OBSL1: variants seen among roughly 807,000 people sequenced by gnomAD.
OBSL1 encodes obscurin-like protein 1.
In OBSL1, 160 loss-of-function variants were observed where a neutral mutation model predicts 172.0. The ratio of observed to expected loss-of-function variants is 0.93; its 90% CI spans 0.82 to 1.06. The LOEUF (loss-of-function observed/expected upper bound fraction) is 1.06. Among genes scored for constraint, OBSL1 ranks in the 50% least tolerant of loss-of-function variants. OBSL1 has a pLI of 0.00. For missense variants in OBSL1, 2,681 were observed against 2,715.4 expected (o/e 0.99, Z 0.28); for synonymous variants, 1,200 against 1,196.3 (o/e 1.00, Z -0.06).
chr2:219,563,596 T>A lies in OBSL1; in HGVS notation c.2439A>T (p.Glu813Asp). 1.2e-6 allele frequency: 2 copies of A among 1,613,542 alleles called. No individual in the cohort carries two copies. The highest frequency in any genetic ancestry group is 1.7e-6 in the Non-Finnish European group (2 of 1,179,742). Residue 813 changes from glutamate (E) to aspartate (D), a missense_variant, in exon 7 of 21, where the codon GAA becomes GAT. This residue lies in a region of OBSL1 where 1,765 missense variants were observed against 1,748.3 expected (regional missense o/e 1.01). Coordinates refer to ENST00000404537, the MANE Select transcript of OBSL1 (RefSeq NM_015311.3). ...AAGTTATGGCATGCACGAACACATGTTCTCGGGGGTCCACGATGTGCACGG... is the reference window on the plus strand; with the variant it reads ...AAGTTATGGCATGCACGAACACATGATCTCGGGGGTCCACGATGTGCACGG... The part of the protein sequence containing the change: ...DPPVHIVDPR[E>D]HVFVHAITSE...
rs370018093 is a variant in OBSL1 at position 219,562,317 on chromosome 2, G to A, written c.2953+85C>T. ...TGCAGCCCACACCTCCCTCCTCCCCGGGGTGCTAGCTGGGGCTATGTGGCC... is the reference window on the plus strand; with the variant it reads ...TGCAGCCCACACCTCCCTCCTCCCCAGGGTGCTAGCTGGGGCTATGTGGCC... On this transcript the variant is annotated intron_variant, in intron 8 of 20. Transcript: ENST00000404537. 9.3e-6 allele frequency: 14 copies of A among 1,511,948 alleles called. No individual in the cohort carries two copies. In the African/African-American group the frequency reaches 1.1e-4, roughly 12 times the overall value. The allele number at this position is 1,511,948 out of a possible 1,614,324, so 93.7% of individuals were successfully genotyped here. A position where few individuals can be genotyped will look rare whatever the true frequency, so the allele number is the denominator to read the frequency against.
intron 6 of OBSL1, 144 bp from the exon 7 acceptor site, chr2:219,563,771 G>T: frequency 1.1e-6 from 1 of 887,862 alleles, no homozygotes; most frequent in Non-Finnish European, 1.7e-6. Flanking sequence ...CAGGGACAAT[G>T]ACAAGGAATG....
Position 219,570,781 on chromosome 2 carries a change from G to A in OBSL1, c.452C>T (p.Ala151Val). 6.7e-7 allele frequency: 1 copy of A among 1,491,890 alleles called. No individual in the cohort carries two copies. Among genetic ancestry groups the A allele is most frequent in the Non-Finnish European group, 8.9e-7 (1 of 1,128,234 alleles). The allele number at this position is 1,491,890 out of a possible 1,614,324, so 92.4% of individuals were successfully genotyped here. The change falls in exon 1 of 21, where the codon GCG becomes GTG. Residue 151 changes from alanine to valine, a missense_variant. Physicochemically the swap from Ala to Val is moderately conservative, Grantham distance 64. Around this residue, in one of 5 missense-constraint regions of OBSL1, gnomAD observed 706 missense variants for 695.8 expected, o/e 1.01. Coordinates refer to ENST00000404537, the MANE Select transcript of OBSL1 (RefSeq NM_015311.3). ...RGAEVVLTCR[A>V]GGLPEPTLYW... ...CAGTGTGGGCTCGGGGAGGCCCCCC[G>A]CCCGGCACGTCAGCACCACCTCCGC...
rs1417563894 is a variant in OBSL1, at chr2:219,565,463, G to T, written c.2186C>A (p.Thr729Lys). 1.9e-6 allele frequency: 3 copies of T among 1,612,902 alleles called. No homozygotes were observed. The highest frequency in any genetic ancestry group is 2.5e-6 in the Non-Finnish European group (3 of 1,179,892). Residue 729 changes from threonine to lysine, a missense_variant, in exon 6 of 21, where the codon ACA becomes AAA. Coordinates refer to ENST00000404537, the MANE Select transcript of OBSL1 (RefSeq NM_015311.3). ...SPQDRVSLTFTTSERVVLTCE... is the reference protein window; with the variant it reads ...SPQDRVSLTFKTSERVVLTCE... ...AGTCAGCACCACCCGCTCTGAGGTT[G>T]TGAAGGTCAACGACACCCTGTCCTG...
Position 219,562,675 on chromosome 2 carries a change from C to G in OBSL1, c.2681-1G>C. ...GGATACACGATCCACGAGGAGACGT[C>G]TGGAGGACAGGGACAGCCACTGCCG... On this transcript the variant is annotated splice_acceptor_variant, in intron 7 of 20. Transcript: ENST00000404537. LOFTEE classifies it high-confidence loss of function. 4 of 1,542,026 alleles carry G rather than the reference C, an allele frequency of 2.6e-6. No homozygotes were observed. The highest frequency in any genetic ancestry group is 1.7e-4 in the Middle Eastern group (1 of 5,948).
rs1351017091 is a variant in OBSL1, at chr2:219,552,695, G to T, written c.5149C>A (p.Arg1717Ser). 1.3e-6 allele frequency: 2 copies of T among 1,522,130 alleles called. No homozygotes were observed. Among genetic ancestry groups the T allele is most frequent in the Non-Finnish European group, 1.8e-6 (2 of 1,134,718 alleles). The allele number at this position is 1,522,130 out of a possible 1,614,324, so 94.3% of individuals were successfully genotyped here. A position where few individuals can be genotyped will look rare whatever the true frequency, so the allele number is the denominator to read the frequency against. Residue 1717 changes from arginine (R) to serine (S), a missense_variant and splice_region_variant, in exon 18 of 21, where the codon CGT becomes AGT. This residue lies in a region of OBSL1 where 1,765 missense variants were observed against 1,748.3 expected (regional missense o/e 1.01). Transcript: ENST00000404537. ...AGCTCGGAGAGTACCGCCACAGTAC[G>T]CTCTGGGGCGGAGCCCGGGGCGTGA... is the stretch of plus-strand genomic sequence containing the variant. ...AGPVRLTVRE[R>S]TVAVLSELRS...
chr2:219,547,423 C>G (rs1695411119), downstream of OBSL1: 1 of 1,131,220 alleles, frequency 8.8e-7, no homozygotes, highest in Non-Finnish European at 1.2e-6. Context: ...CCCCTGGGAT[C>G]CCATGTCCTT....
chr2:219,549,308 G>C, downstream of OBSL1: 2 of 1,613,828 alleles, frequency 1.2e-6, no homozygotes, highest in Non-Finnish European at 1.7e-6. Context: ...GCTTATCGGC[G>C]CAGGCCAGTG....
chr2:219,561,699 G>C (rs956725561), intron 8 of OBSL1: 9 of 606,912 alleles, frequency 1.5e-5, no homozygotes, highest in Non-Finnish European at 2.4e-5. Context: ...GGCCCTCACA[G>C]TACTTATCAC....
downstream of OBSL1, chr2:219,550,157 G>A: frequency 3.3e-6 from 1 of 298,574 alleles, no homozygotes. Context: ...GCTTGGAGGG[G>A]ACGCTGGGAC....
In OBSL1 at chr2:219,567,228, G is replaced by A. The variant is rs754132594; in HGVS notation, c.1837+45C>T. 2.4e-5 allele frequency: 37 copies of A among 1,564,066 alleles called. No individual in the cohort carries two copies. The Middle Eastern group carries it at 5.9e-4, about 25-fold the overall frequency. Reference sequence around the variant, plus strand: ...TGAGAGGACCAGCACTGAGGGCTGGGGAAGGGAGGAGAAGTGATGGGTGGG... The same window carrying A: ...TGAGAGGACCAGCACTGAGGGCTGGAGAAGGGAGGAGAAGTGATGGGTGGG... On this transcript the variant is annotated intron_variant, in intron 4 of 20. Transcript: ENST00000404537.
At chr2:219,550,069 G>A (rs1695522959), downstream of OBSL1, 5 of 609,790 alleles carry the variant, frequency 8.2e-6, no homozygotes, top group South Asian at 2.2e-5. Flanking sequence ...AACTCGGGGT[G>A]TGAACCCCAT....
Position 219,557,808 on chromosome 2 carries a change from C to A in OBSL1, c.3790+15G>T. 1 of 1,583,884 alleles carries A rather than the reference C, an allele frequency of 6.3e-7. No individual in the cohort carries two copies. On this transcript the variant is annotated intron_variant, in intron 11 of 20. Coordinates refer to ENST00000404537, the MANE Select transcript of OBSL1 (RefSeq NM_015311.3). Reference sequence around the variant, plus strand: ...TTGGTGCCACTCTCAGGCTTAATGCCCAGGCTGTACTCACCAGCCACCTGG... The same window carrying A: ...TTGGTGCCACTCTCAGGCTTAATGCACAGGCTGTACTCACCAGCCACCTGG...
intron 14 of OBSL1, 195 bp downstream of exon 14, chr2:219,555,825 C>T (rs955308323): frequency 4.3e-6 from 6 of 1,404,440 alleles, no homozygotes; most frequent in Non-Finnish European, 5.6e-6. Context: ...GCAAAATCCA[C>T]ATGGACTTCT....
In OBSL1 at chr2:219,565,355, T is replaced by C. The variant is rs377213223; in HGVS notation, c.2294A>G (p.Lys765Arg). The change falls in exon 6 of 21, where the codon AAG becomes AGG. Residue 765 changes from lysine to arginine, a missense_variant. Around this residue, in one of 5 missense-constraint regions of OBSL1, gnomAD observed 1,765 missense variants for 1,748.3 expected, o/e 1.01. Transcript: ENST00000404537. ...KVEESELLVV[K>R]MDGRKHRLIL... is the part of the protein sequence containing the mutation. Reference sequence around the variant, plus strand: ...CAGACGGTGTTTGCGCCCATCCATCTTCACCACCAGCAACTCGCTCTCCTC... The same window carrying C: ...CAGACGGTGTTTGCGCCCATCCATCCTCACCACCAGCAACTCGCTCTCCTC... 5 of 1,614,048 alleles carry C rather than the reference T, an allele frequency of 3.1e-6. No homozygotes were observed. The highest frequency in any genetic ancestry group is 4.2e-6 in the Non-Finnish European group (5 of 1,179,914).
intron 14 of OBSL1, 175 bp from the exon 15 acceptor site, chr2:219,554,915 G>C (rs1053761893): frequency 1.5e-6 from 1 of 653,098 alleles, no homozygotes; most frequent in Admixed American, 3.0e-5. Context: ...CAGATTTGGC[G>C]GGGGGAGGGC....
At chr2:219,549,579 T>C, downstream of OBSL1, 1 of 1,358,536 alleles carries the variant, frequency 7.4e-7, no homozygotes, top group South Asian at 1.4e-5. Context: ...GGATATGGTA[T>C]GTGGTGGGGT....
In OBSL1 at chr2:219,568,941, G is replaced by T. The variant is rs1697133926; in HGVS notation, c.1013-617C>A. ...ATTTTGTATTTTTAGTAGAGATGGG[G>T]TTTTGCCATGTTGGCCAGGCTGTTC... On this transcript the variant is annotated intron_variant, in intron 1 of 20. Transcript: ENST00000404537. The surrounding 1 kb of genome is among the most constrained non-coding windows in gnomAD (Gnocchi z 4.1). Among the ~76,000 whole-genome samples, 1 of 151,848 alleles carries T rather than the reference G, an allele frequency of 6.6e-6. No homozygotes were observed. The highest frequency in any genetic ancestry group is 2.4e-5 in the African/African-American group (1 of 41,328).
chr2:219,570,379 G>A lies in OBSL1; in HGVS notation c.854C>T (p.Pro285Leu). 1.2e-6 allele frequency: 2 copies of A among 1,613,046 alleles called. No individual in the cohort carries two copies. The highest frequency in any genetic ancestry group is 1.7e-6 in the Non-Finnish European group (2 of 1,179,622). Residue 285 changes from proline (P) to leucine (L), a missense_variant, in exon 1 of 21, where the codon CCG becomes CTG. Transcript: ENST00000404537. ...PEIEWHWEGR[P>L]LLPDRRRLMY... Reference sequence around the variant, plus strand: ...GAGGCGGCGGCGGTCCGGGAGCAGCGGGCGGCCCTCCCAGTGCCATTCGAT... The same window carrying A: ...GAGGCGGCGGCGGTCCGGGAGCAGCAGGCGGCCCTCCCAGTGCCATTCGAT...
Sources: gnomAD v4.1 joint callset for allele counts (sites outside exome capture counted in the v4.1 genomes callset) on GRCh38, gnomAD v4.1.1 for gene constraint, gnomAD v4.1.1 regional missense constraint, Gnocchi (gnomAD v3.1) non-coding constraint, MANE v1.5 for transcripts, NCBI Gene and HGNC (gene_info 2026-07-23, HGNC 2026-07-21) for gene names.